The following SPTBN1 variants were observed in gnomAD, a reference collection of about 807,000 sequenced individuals.
SPTBN1 encodes the protein spectrin beta, non-erythrocytic 1.
Under a neutral mutation model 266.4 loss-of-function variants are expected in SPTBN1, and 32 were observed. The observed-to-expected ratio is 0.12, with a 90% CI of 0.09 to 0.16. SPTBN1 has a LOEUF of 0.16. Among genes scored for constraint, SPTBN1 ranks in the 10% least tolerant of loss-of-function variants. The probability of loss-of-function intolerance (pLI) is 1.00; values close to 1 mark genes in which losing one functional copy is unlikely to be tolerated. For synonymous variants in SPTBN1, 1,336 were observed against 1,162.2 expected, an observed-to-expected ratio of 1.15 and a Z score of -3.04; for missense variants, 2,296 against 3,067.1, an observed-to-expected ratio of 0.75 and a Z score of 5.94.
chr2:54,537,244 C>G (rs1446056847), intron 2 of SPTBN1, among the ~76,000 whole-genome samples: 1 of 152,164 alleles, frequency 6.6e-6, no homozygotes, highest in African/African-American at 2.4e-5. Context: ...CATTCCAACC[C>G]CAGCTCTTGC....
intron 2 of SPTBN1, among the ~76,000 whole-genome samples, chr2:54,551,078 A>G (rs569825288): frequency 3.3e-5 from 5 of 152,262 alleles, no homozygotes; most frequent in Admixed American, 1.3e-4. Context: ...CCAGAGGCCT[A>G]TTTTCACAAA....
At chr2:54,644,718 C>A in intron 20 of SPTBN1, 132 bp downstream of exon 20, 4 of 1,185,912 alleles carry the variant, frequency 3.4e-6, no homozygotes, top group Non-Finnish European at 4.7e-6. Flanking sequence ...CAAAATATTA[C>A]TTGCTCTAAC....
chr2:54,669,835 A>G lies in SPTBN1; in HGVS notation c.*1266A>G. 1 of 152,256 alleles carries G rather than the reference A, an allele frequency of 6.6e-6. No individual in the cohort carries two copies. Among genetic ancestry groups the G allele is most frequent in the Non-Finnish European group, 1.5e-5 (1 of 68,046 alleles). The allele number at this position is 152,256 out of a possible 1,614,324, so 9.4% of individuals were successfully genotyped here. ...GTGCACAAGCTTTGAAAACTACAGC[A>G]AACAGTAATAAATGTGACTGTTTTG... On this transcript the variant is annotated 3_prime_UTR_variant, in exon 36 of 36. Coordinates refer to ENST00000356805, the MANE Select transcript of SPTBN1 (RefSeq NM_003128.3).
intron 2 of SPTBN1, among the ~76,000 whole-genome samples, chr2:54,541,728 T>A (rs1671952008): frequency 6.6e-6 from 1 of 152,216 alleles, no homozygotes; most frequent in Non-Finnish European, 1.5e-5. Flanking sequence ...AACTGACTTG[T>A]GATTTTGAAA....
At chr2:54,530,353 C>CTTTTTTTTTATTTTTTTTTTTTTTT (rs1671146226) in intron 2 of SPTBN1, among the ~76,000 whole-genome samples, 1 of 73,882 alleles carries the variant, frequency 1.4e-5, no homozygotes, top group African/African-American at 5.3e-5. Context: ...TTGTAAAAAA[C>CTTTTTTTTTATTTTTTTTTTTTTTT]TTTTTTTTTT....
At chr2:54,481,037 A>G (rs1020083913) in intron 1 of SPTBN1, among the ~76,000 whole-genome samples, 14 of 152,154 alleles carry the variant, frequency 9.2e-5, no homozygotes, top group African/African-American at 3.1e-4. Flanking sequence ...TCCTGGTGCC[A>G]TGGTGAGCAC....
In SPTBN1 at chr2:54,554,700, C is replaced by T. The variant is rs939806098; in HGVS notation, c.148+28134C>T. On this transcript the variant is annotated intron_variant, in intron 2 of 35. Coordinates refer to ENST00000356805, the MANE Select transcript of SPTBN1 (RefSeq NM_003128.3). This position sits in a 1 kb window ranked among gnomAD's most constrained non-coding sequence, Gnocchi z 4.5. The stretch of plus-strand genomic sequence containing the variant: ...TCAGAAATTAGGGTAAGCCTGAGTC[C>T]CTGACTCTGGACTTGAGTCTTTCCA... 1.3e-5 allele frequency among the ~76,000 whole-genome samples: 2 copies of T among 152,036 alleles called. No individual in the cohort carries two copies. Among genetic ancestry groups the T allele is most frequent in the Non-Finnish European group, 2.9e-5 (2 of 67,964 alleles).
chr2:54,655,675 T>A (rs1680601733), intron 28 of SPTBN1, among the ~76,000 whole-genome samples: 1 of 152,212 alleles, frequency 6.6e-6, no homozygotes, highest in Non-Finnish European at 1.5e-5. Flanking sequence ...GCAGGGAGCC[T>A]CCTCACGACA....
chr2:54,581,577 C>CTTTTTTTTTTTTTTTTTTTTTTTTTTT (rs70944181), intron 2 of SPTBN1, among the ~76,000 whole-genome samples: 3 of 102,658 alleles, frequency 2.9e-5, no homozygotes, highest in African/African-American at 8.2e-5. Context: ...TTTCTTTGCC[C>CTTTTTTTTTTTTTTTTTTTTTTTTTTT]TTTTTTTTTT....
At position 54,582,306 on chromosome 2, in the gene SPTBN1, G is replaced by C. The variant is rs562221297; in HGVS notation, c.149-16786G>C. Among the ~76,000 whole-genome samples the C allele has an allele frequency of 2.6e-5, 4 of 152,224 alleles. No homozygotes were observed. The South Asian group carries it at 8.3e-4, about 32-fold the overall frequency. Reference sequence around the variant, plus strand: ...AAGGAAGGTGTCGATCTTGGTTCTGGTCTGGTGGTGCCTGAGAGCAGGGAC... The same window carrying C: ...AAGGAAGGTGTCGATCTTGGTTCTGCTCTGGTGGTGCCTGAGAGCAGGGAC... On this transcript the variant is annotated intron_variant, in intron 2 of 35. Coordinates refer to ENST00000356805, the MANE Select transcript of SPTBN1 (RefSeq NM_003128.3).
chr2:54,578,203 G>C (rs1674619690), intron 2 of SPTBN1, among the ~76,000 whole-genome samples: 1 of 152,194 alleles, frequency 6.6e-6, no homozygotes, highest in African/African-American at 2.4e-5. Context: ...AGTGTTCACT[G>C]CTGCATCGTT....
intron 1 of SPTBN1, among the ~76,000 whole-genome samples, chr2:54,469,156 C>T (rs1693787402): frequency 6.6e-6 from 1 of 152,126 alleles, no homozygotes; most frequent in Admixed American, 6.6e-5. Context: ...GACTTGCTGG[C>T]CTTTGTTGCC....
intron 3 of SPTBN1, among the ~76,000 whole-genome samples, chr2:54,599,556 G>A (rs1428281734): frequency 3.9e-5 from 6 of 152,318 alleles, no homozygotes; most frequent in East Asian, 3.9e-4. Context: ...AGGCTTGGGC[G>A]CTGGCTTCTA....
intron 1 of SPTBN1, among the ~76,000 whole-genome samples, chr2:54,507,798 TC>T (rs1172172895): frequency 8.2e-6 from 1 of 122,100 alleles, no homozygotes; most frequent in Non-Finnish European, 1.7e-5. Flanking sequence ...AAATATAGAG[TC>T]CCCTTTTTTT....
chr2:54,616,446 A>T, intron 5 of SPTBN1, 148 bp downstream of exon 5: 1 of 555,962 alleles, frequency 1.8e-6, no homozygotes, highest in Non-Finnish European at 3.1e-6. Context: ...ATGACTTTTC[A>T]ATTAGCTCTC....
intron 1 of SPTBN1, among the ~76,000 whole-genome samples, chr2:54,462,230 A>G (rs1489091648): frequency 6.6e-6 from 1 of 152,262 alleles, no homozygotes; most frequent in South Asian, 2.1e-4. Context: ...GGGACTGCCT[A>G]AGCACTATGA....
chr2:54,472,022 GTT>G (rs768988675), intron 1 of SPTBN1, among the ~76,000 whole-genome samples: 3 of 66,800 alleles, frequency 4.5e-5, no homozygotes, highest in Non-Finnish European at 7.7e-5. Flanking sequence ...CCCTGAAGAT[GTT>G]TTTTTTTTTT....
At chr2:54,589,756 T>C (rs1675545977) in intron 2 of SPTBN1, among the ~76,000 whole-genome samples, 1 of 152,194 alleles carries the variant, frequency 6.6e-6, no homozygotes, top group African/African-American at 2.4e-5. Flanking sequence ...GGATTCTCTG[T>C]TATCAATACA....
chr2:54,480,590 AGATGTATAT>A (rs1287029503), intron 1 of SPTBN1, among the ~76,000 whole-genome samples: 1 of 152,238 alleles, frequency 6.6e-6, no homozygotes, highest in African/African-American at 2.4e-5. Flanking sequence ...ACCCACATTC[AGATGTATAT>A]GAAACATGTA....
Sources: gnomAD v4.1 joint callset for allele counts (sites outside exome capture counted in the v4.1 genomes callset) on GRCh38, gnomAD v4.1.1 for gene constraint, Gnocchi (gnomAD v3.1) non-coding constraint, MANE v1.5 for transcripts, NCBI Gene and HGNC (gene_info 2026-07-23, HGNC 2026-07-21) for gene names.